Variants in EPHA5 observed in about 807,000 individuals in gnomAD.
EPHA5 encodes the protein EPH receptor A5.
Under a neutral mutation model 105.0 loss-of-function variants are expected in EPHA5, and 60 were observed. That is an observed-to-expected ratio of 0.57 (90% CI 0.46 to 0.71). The LOEUF (loss-of-function observed/expected upper bound fraction) is 0.71. Among genes scored for constraint, EPHA5 ranks in the 30% least tolerant of loss-of-function variants. The probability of loss-of-function intolerance (pLI) is 0.00; values close to 1 mark genes in which losing one functional copy is unlikely to be tolerated. For synonymous variants in EPHA5, 513 were observed against 449.1 expected, an observed-to-expected ratio of 1.14 and a Z score of -1.80; for missense variants, 1,218 against 1,274.7, an observed-to-expected ratio of 0.96 and a Z score of 0.68.
chr4:65,670,342 G>A lies in EPHA5; in HGVS notation c.-600C>T. The A allele has an allele frequency of 4.3e-6, 1 of 233,838 alleles. No individual in the cohort carries two copies. Among genetic ancestry groups the A allele is most frequent in the Non-Finnish European group, 8.4e-6 (1 of 118,510 alleles). The allele number at this position is 233,838 out of a possible 1,614,324, so 14.5% of individuals were successfully genotyped here. A position where few individuals can be genotyped will look rare whatever the true frequency, so the allele number is the denominator to read the frequency against. ...CGGGCTGAGTGCTGAAGAGGGGAGG[G>A]ACTGACGGCTGCCGGCCGGTAGGAG... is the stretch of plus-strand genomic sequence containing the variant. On this transcript the variant is annotated 5_prime_UTR_variant, in exon 1 of 17. Coordinates refer to ENST00000613740, the MANE Select transcript of EPHA5 (RefSeq NM_001281766.3).
intron 3 of EPHA5, among the ~76,000 whole-genome samples, chr4:65,508,623 G>A (rs887003912): frequency 6.6e-6 from 1 of 151,970 alleles, no homozygotes; most frequent in Non-Finnish European, 1.5e-5. Flanking sequence ...AAGCATTCAC[G>A]ATTACATTCT....
intron 5 of EPHA5, among the ~76,000 whole-genome samples, chr4:65,427,476 C>G (rs1157909234): frequency 6.6e-6 from 1 of 151,980 alleles, no homozygotes; most frequent in Non-Finnish European, 1.5e-5. Flanking sequence ...TCACCGCGCC[C>G]CGTCCTTGAG....
intron 1 of EPHA5, among the ~76,000 whole-genome samples, chr4:65,649,292 A>G (rs1011652048): frequency 2.6e-5 from 4 of 152,172 alleles, no homozygotes; most frequent in African/African-American, 9.7e-5. Context: ...CTTAAGACCT[A>G]AACATCAGAT....
intron 11 of EPHA5, among the ~76,000 whole-genome samples, chr4:65,363,266 C>T (rs928113373): frequency 6.6e-6 from 1 of 151,586 alleles, no homozygotes; most frequent in African/African-American, 2.4e-5. Flanking sequence ...TTCTAAACCT[C>T]ATCTATATTA....
intron 3 of EPHA5, among the ~76,000 whole-genome samples, chr4:65,595,589 T>TA (rs200004643): frequency 0.031 from 4,709 of 151,522 alleles, 139 homozygotes; most frequent in East Asian, 0.077. Context: ...AGATTTTTTT[T>TA]TTTTTTTTTG....
intron 5 of EPHA5, among the ~76,000 whole-genome samples, chr4:65,474,121 G>T (rs1729563084): frequency 6.6e-6 from 1 of 151,874 alleles, no homozygotes; most frequent in Non-Finnish European, 1.5e-5. Flanking sequence ...GTATACATAT[G>T]TAACAAACCT....
At chr4:65,584,831 T>C (rs1348977703) in intron 3 of EPHA5, among the ~76,000 whole-genome samples, 2 of 152,010 alleles carry the variant, frequency 1.3e-5, no homozygotes, top group Non-Finnish European at 2.9e-5. Flanking sequence ...TAAAAAATCT[T>C]CCTATTTAAT....
chr4:65,532,228 C>A (rs1735874826), intron 3 of EPHA5, among the ~76,000 whole-genome samples: 1 of 152,022 alleles, frequency 6.6e-6, no homozygotes, highest in African/African-American at 2.4e-5. Context: ...CCCTTATTTT[C>A]AAGTGGTTAT....
At chr4:65,425,267 T>C (rs756709129) in intron 5 of EPHA5, among the ~76,000 whole-genome samples, 33 of 152,142 alleles carry the variant, frequency 2.2e-4, no homozygotes, top group Admixed American at 6.6e-4. Context: ...TAAAAATACA[T>C]GTATTTTACA....
At chr4:65,351,279 C>T (rs1421342496) in intron 13 of EPHA5, 110 bp downstream of exon 13, 1 of 1,021,472 alleles carries the variant, frequency 9.8e-7, no homozygotes, top group African/African-American at 1.6e-5. Context: ...CATTCTCTCT[C>T]TTTCTTTTTG....
intron 5 of EPHA5, among the ~76,000 whole-genome samples, chr4:65,460,866 G>T (rs2149130101): frequency 6.6e-6 from 1 of 151,776 alleles, no homozygotes; most frequent in East Asian, 1.9e-4. Context: ...ATACCACAGT[G>T]ATTTTTATTA....
At chr4:65,610,291 A>G (rs1744645193) in intron 2 of EPHA5, among the ~76,000 whole-genome samples, 1 of 152,124 alleles carries the variant, frequency 6.6e-6, no homozygotes, top group South Asian at 2.1e-4. Flanking sequence ...GGAAATCCAA[A>G]TACTGCATGT....
At chr4:65,654,438 T>C (rs532135908) in intron 1 of EPHA5, among the ~76,000 whole-genome samples, 348 of 151,890 alleles carry the variant, frequency 2.3e-3, no homozygotes, top group Non-Finnish European at 4.0e-3. Context: ...ATTGAGTATC[T>C]ACTTAACTGC....
In EPHA5 at chr4:65,321,207, A is replaced by G. The variant is rs188758788; in HGVS notation, c.*2907T>C. On this transcript the variant is annotated 3_prime_UTR_variant, in exon 17 of 17. Coordinates refer to ENST00000613740, the MANE Select transcript of EPHA5 (RefSeq NM_001281766.3). ...TAAGATATTGCTACTGGCAATTACAATAAGATTATGTATTATTTGCCAAAT... is the reference window on the plus strand; with the variant it reads ...TAAGATATTGCTACTGGCAATTACAGTAAGATTATGTATTATTTGCCAAAT... The G allele has an allele frequency of 8.7e-6, 2 of 230,740 alleles. No individual in the cohort carries two copies. The highest frequency in any genetic ancestry group is 4.4e-5 in the African/African-American group (2 of 45,290). 14.3% of individuals were successfully genotyped at this position (230,740 alleles called of 1,614,324 possible). A position where few individuals can be genotyped will look rare whatever the true frequency, so the allele number is the denominator to read the frequency against.
chr4:65,495,577 T>C (rs747421440), intron 3 of EPHA5, 34 bp from the exon 4 acceptor site: 2 of 1,571,132 alleles, frequency 1.3e-6, no homozygotes, highest in Non-Finnish European at 8.7e-7. Context: ...AGCTTTTCCC[T>C]GGAACAGATG....
chr4:65,460,521 T>G (rs578252174), intron 5 of EPHA5, among the ~76,000 whole-genome samples: 1 of 151,266 alleles, frequency 6.6e-6, no homozygotes, highest in East Asian at 1.9e-4. Context: ...TAACTATTAT[T>G]TATAAGTAAT....
At chr4:65,468,678 AC>A (rs11331214) in intron 5 of EPHA5, among the ~76,000 whole-genome samples, 125,533 of 132,210 alleles carry the variant, frequency 0.95, 59,738 homozygotes, top group East Asian at 1. Flanking sequence ...TAACATATAT[AC>A]ATATATATAT....
At chr4:65,606,397 G>A (rs920266762) in intron 2 of EPHA5, among the ~76,000 whole-genome samples, 1 of 152,094 alleles carries the variant, frequency 6.6e-6, no homozygotes, top group African/African-American at 2.4e-5. Flanking sequence ...TGAATAAATA[G>A]TTAAATGTTT....
chr4:65,562,499 T>C (rs974753924), intron 3 of EPHA5, among the ~76,000 whole-genome samples: 13 of 151,836 alleles, frequency 8.6e-5, no homozygotes, highest in African/African-American at 2.2e-4. Context: ...ATAAGAAAAA[T>C]AAAAATTTTA....
Sources: allele counts gnomAD v4.1 joint callset (sites outside exome capture counted in the v4.1 genomes callset), GRCh38; gene constraint gnomAD v4.1.1; transcripts MANE v1.5; gene names NCBI Gene and HGNC (gene_info 2026-07-23, HGNC 2026-07-21).